DOCK2: variants seen among roughly 807,000 people sequenced by gnomAD.
DOCK2 encodes the protein dedicator of cytokinesis protein 2.
DOCK2 carries 87 observed loss-of-function variants against 248.9 expected under a neutral mutation model. The observed-to-expected ratio is 0.35, with a 90% CI of 0.29 to 0.42. The LOEUF (loss-of-function observed/expected upper bound fraction) is 0.42, where lower values mean the gene tolerates loss of function less well. Among genes scored for constraint, DOCK2 ranks in the 10% least tolerant of loss-of-function variants. DOCK2 has a pLI of 1.00. For missense variants in DOCK2, 1,747 were observed against 2,300.2 expected (o/e 0.76, Z 4.92); for synonymous variants, 805 against 821.6 (o/e 0.98, Z 0.35).
chr5:170,031,190 G>A (rs551280353), intron 34 of DOCK2, among the ~76,000 whole-genome samples: 7 of 152,324 alleles, frequency 4.6e-5, no homozygotes, highest in East Asian at 3.9e-4. Context: ...TGAGGGAATC[G>A]GAAGGTTGAA....
At chr5:169,956,308 G>C (rs2113735303) in intron 27 of DOCK2, among the ~76,000 whole-genome samples, 1 of 152,330 alleles carries the variant, frequency 6.6e-6, no homozygotes, top group African/African-American at 2.4e-5. Context: ...GGAGCGGCTA[G>C]AAAAAATTAG....
At chr5:169,658,556 A>G (rs1758259525) in intron 2 of DOCK2, among the ~76,000 whole-genome samples, 1 of 151,782 alleles carries the variant, frequency 6.6e-6, no homozygotes, top group South Asian at 2.1e-4. Flanking sequence ...TATTTTAAAA[A>G]CCATATTTTA....
chr5:169,807,629 G>A (rs956819826), intron 26 of DOCK2, among the ~76,000 whole-genome samples: 1 of 151,770 alleles, frequency 6.6e-6, no homozygotes, highest in African/African-American at 2.4e-5. Flanking sequence ...TCAGGAGATC[G>A]AGACCATCCT....
intron 10 of DOCK2, among the ~76,000 whole-genome samples, chr5:169,697,146 G>T (rs930052248): frequency 6.6e-6 from 1 of 152,118 alleles, no homozygotes; most frequent in Non-Finnish European, 1.5e-5. Context: ...AAAAGAAAAG[G>T]TACTTTATTG....
intron 27 of DOCK2, among the ~76,000 whole-genome samples, chr5:169,918,771 G>C (rs397924): frequency 6.6e-6 from 1 of 152,102 alleles, no homozygotes; most frequent in Non-Finnish European, 1.5e-5. Flanking sequence ...AAATTAACCA[G>C]GCGTGGTGGC....
chr5:169,771,212 T>A (rs1260465910), intron 25 of DOCK2, among the ~76,000 whole-genome samples: 3 of 152,216 alleles, frequency 2.0e-5, no homozygotes, highest in Non-Finnish European at 4.4e-5. Context: ...ATGCTGAAAA[T>A]CCTTTGTTCT....
At chr5:169,737,979 C>A in intron 22 of DOCK2, among the ~76,000 whole-genome samples, 1 of 152,154 alleles carries the variant, frequency 6.6e-6, no homozygotes, top group East Asian at 1.9e-4. Context: ...TTATGATTGG[C>A]ATTGGAAATG....
At chr5:169,702,862 T>C (rs1345723) in intron 14 of DOCK2, among the ~76,000 whole-genome samples, 94,114 of 151,800 alleles carry the variant, frequency 0.62, 30,163 homozygotes, top group East Asian at 0.89. Context: ...AGGATGTGCT[T>C]AAAGCAGGCA....
intron 27 of DOCK2, among the ~76,000 whole-genome samples, chr5:169,928,608 T>C (rs1450918895): frequency 1.3e-5 from 2 of 152,158 alleles, no homozygotes; most frequent in Non-Finnish European, 2.9e-5. Flanking sequence ...GAAAGGACAG[T>C]GTCATGGAGG....
chr5:169,785,487 AT>A (rs1211979504), intron 25 of DOCK2, among the ~76,000 whole-genome samples: 4 of 152,216 alleles, frequency 2.6e-5, no homozygotes, highest in African/African-American at 9.6e-5. Context: ...TATTAAAGTT[AT>A]TCATTAAAAT....
chr5:170,077,536 C>T (rs1005947473), intron 47 of DOCK2, among the ~76,000 whole-genome samples, 174 bp from the exon 48 acceptor site: 2 of 152,164 alleles, frequency 1.3e-5, no homozygotes, highest in African/African-American at 4.8e-5. Context: ...AAAGGTCATC[C>T]ACATTCTTCA....
chr5:169,739,428 G>A (rs1763197955), intron 22 of DOCK2, among the ~76,000 whole-genome samples: 1 of 152,126 alleles, frequency 6.6e-6, no homozygotes, highest in Admixed American at 6.5e-5. Context: ...GACTGTTGTA[G>A]GAAGGAGCTA....
chr5:169,762,551 TA>T (rs1166580936), intron 25 of DOCK2, among the ~76,000 whole-genome samples: 3 of 152,184 alleles, frequency 2.0e-5, no homozygotes, highest in Non-Finnish European at 4.4e-5. Context: ...CAGAAGCTCA[TA>T]TTCATCCTCT....
chr5:170,078,513 C>A (rs554887908), intron 48 of DOCK2, among the ~76,000 whole-genome samples: 1 of 152,204 alleles, frequency 6.6e-6, no homozygotes, highest in African/African-American at 2.4e-5. Flanking sequence ...TTACCATATG[C>A]CAAGAATATG....
At chr5:169,874,264 T>G (rs1402523389) in intron 27 of DOCK2, among the ~76,000 whole-genome samples, 2 of 151,816 alleles carry the variant, frequency 1.3e-5, no homozygotes, top group Non-Finnish European at 2.9e-5. Flanking sequence ...AATACAAAAA[T>G]TAGCTGGGTG....
At chr5:169,945,472 C>A (rs937402286) in intron 27 of DOCK2, among the ~76,000 whole-genome samples, 1 of 152,234 alleles carries the variant, frequency 6.6e-6, no homozygotes, top group Non-Finnish European at 1.5e-5. Context: ...TTACTTCGTG[C>A]CTGGCACAGT....
At chr5:169,837,311 C>T (rs1410941449) in intron 26 of DOCK2, among the ~76,000 whole-genome samples, 1 of 152,166 alleles carries the variant, frequency 6.6e-6, no homozygotes. Context: ...CTAGAGTCTC[C>T]CTCCACTTGC....
chr5:170,063,649 C>T (rs965949876), intron 44 of DOCK2, among the ~76,000 whole-genome samples: 2 of 152,188 alleles, frequency 1.3e-5, no homozygotes, highest in African/African-American at 4.8e-5. Flanking sequence ...ATCCATTCTT[C>T]CTGCAAGGAG....
intron 27 of DOCK2, among the ~76,000 whole-genome samples, chr5:169,980,020 T>A (rs893274391): frequency 6.6e-6 from 1 of 152,196 alleles, no homozygotes. Flanking sequence ...TGTTTTTCTT[T>A]GCTTTTTTTC....
Sources: allele counts gnomAD v4.1 joint callset (sites outside exome capture counted in the v4.1 genomes callset), GRCh38; gene constraint gnomAD v4.1.1; transcripts MANE v1.5; gene names NCBI Gene and HGNC (gene_info 2026-07-23, HGNC 2026-07-21).